TRAK1: variants seen among roughly 807,000 people sequenced by gnomAD.
TRAK1 encodes trafficking kinesin-binding protein 1.
TRAK1 carries 33 observed loss-of-function variants against 92.1 expected under a neutral mutation model. The ratio of observed to expected loss-of-function variants is 0.36; its 90% CI spans 0.27 to 0.48. TRAK1 has a LOEUF of 0.48. Among genes scored for constraint, TRAK1 ranks in the 20% least tolerant of loss-of-function variants. The probability of loss-of-function intolerance (pLI) is 0.99; values close to 1 mark genes in which losing one functional copy is unlikely to be tolerated. For missense variants in TRAK1, 1,123 were observed against 1,257.9 expected (o/e 0.89, Z 1.62); for synonymous variants, 521 against 517.3 (o/e 1.01, Z -0.10).
chr3:42,154,165 TTTTA>T (rs781482002), intron 2 of TRAK1, among the ~76,000 whole-genome samples: 1 of 152,142 alleles, frequency 6.6e-6, no homozygotes, highest in African/African-American at 2.4e-5. Flanking sequence ...TTTAATTTTG[TTTTA>T]TTTATTTATT....
chr3:42,192,633 T>C (rs1276159274), intron 7 of TRAK1, among the ~76,000 whole-genome samples: 2 of 152,242 alleles, frequency 1.3e-5, no homozygotes, highest in East Asian at 1.9e-4. Flanking sequence ...GAAATTGCAC[T>C]GTGCAGTCAG....
At chr3:42,018,525 T>C (rs557649462) in intron 1 of TRAK1, among the ~76,000 whole-genome samples, 1 of 152,230 alleles carries the variant, frequency 6.6e-6, no homozygotes, top group Admixed American at 6.5e-5. Context: ...CACATTTGAA[T>C]GTTAAATAAG....
intron 2 of TRAK1, among the ~76,000 whole-genome samples, chr3:42,148,052 A>G (rs1204729090): frequency 1.3e-5 from 2 of 151,740 alleles, no homozygotes; most frequent in East Asian, 1.9e-4. Flanking sequence ...ACACACTATT[A>G]TCTGTATATA....
In TRAK1 at chr3:42,160,527, G is replaced by A. The variant is rs150131443; in HGVS notation, c.287-16287G>A. On this transcript the variant is annotated intron_variant, in intron 2 of 15. Transcript: ENST00000327628. ...TCCTTTCCTTGTTAGTATCTAAATA[G>A]GCTTGAATGTTTTGCTGATTTCATA... 2,074 of 1,560,492 alleles carry A rather than the reference G, an allele frequency of 1.3e-3. 33 individuals carry two copies. The African/African-American group carries it at 0.025, about 19-fold the overall frequency.
chr3:42,067,229 A>T (rs2148932792), intron 1 of TRAK1, among the ~76,000 whole-genome samples: 1 of 152,296 alleles, frequency 6.6e-6, no homozygotes, highest in Middle Eastern at 3.4e-3. Context: ...GTACTTTTTC[A>T]CACGAGCCTG....
At position 42,218,841 on chromosome 3, in the gene TRAK1, C is replaced by T. The variant is rs540518767; in HGVS notation, c.1964-653C>T. 1.1e-5 allele frequency: 11 copies of T among 985,406 alleles called. No homozygotes were observed. In the African/African-American group the frequency reaches 1.2e-4, roughly 11 times the overall value. 61.0% of individuals were successfully genotyped at this position (985,406 alleles called of 1,614,324 possible). ...CTGTCCTGCTCACACTGCTGTGTGT[C>T]AGACCAGACCTGATCCTGGAGCTCA... On this transcript the variant is annotated intron_variant, in intron 14 of 15. Transcript: ENST00000327628.
intron 3 of TRAK1, among the ~76,000 whole-genome samples, chr3:42,177,786 T>C (rs990249131): frequency 2.6e-5 from 4 of 152,210 alleles, no homozygotes; most frequent in Non-Finnish European, 5.9e-5. Flanking sequence ...TCTCTTCCCA[T>C]GTCTCTACCG....
At chr3:42,218,979 C>T (rs1460349198) in intron 14 of TRAK1, 1 of 985,236 alleles carries the variant, frequency 1.0e-6, no homozygotes, top group Admixed American at 6.1e-5. Flanking sequence ...AGCCAGCATC[C>T]CCAGGCCCCT....
At chr3:42,212,178 C>A in intron 14 of TRAK1, 1 of 985,414 alleles carries the variant, frequency 1.0e-6, no homozygotes, top group Non-Finnish European at 1.2e-6. Context: ...GAGACACAGG[C>A]AGACAGATAA....
chr3:42,178,325 G>C (rs184403293), intron 3 of TRAK1, among the ~76,000 whole-genome samples: 204 of 152,242 alleles, frequency 1.3e-3, no homozygotes, highest in African/African-American at 4.6e-3. Context: ...TCCTCGCTGT[G>C]TAGTCAAGGC....
At chr3:42,033,841 C>G (rs894261728) in intron 1 of TRAK1, among the ~76,000 whole-genome samples, 1 of 152,190 alleles carries the variant, frequency 6.6e-6, no homozygotes, top group African/African-American at 2.4e-5. Flanking sequence ...CTCCCAGACT[C>G]TCTGCCTCAT....
intron 1 of TRAK1, among the ~76,000 whole-genome samples, chr3:42,049,187 A>G (rs1447380725): frequency 6.6e-6 from 1 of 152,176 alleles, no homozygotes; most frequent in Admixed American, 6.5e-5. Flanking sequence ...TGTTATTTTT[A>G]TTCTGCTCCC....
intron 1 of TRAK1, among the ~76,000 whole-genome samples, chr3:42,115,261 G>A (rs1275094119): frequency 1.3e-5 from 2 of 152,090 alleles, no homozygotes; most frequent in African/African-American, 2.4e-5. Context: ...TGTAATTATC[G>A]CCTGTTTTTT....
intron 2 of TRAK1, among the ~76,000 whole-genome samples, chr3:42,136,044 CG>C (rs745420922): frequency 6.6e-5 from 10 of 152,146 alleles, no homozygotes; most frequent in Non-Finnish European, 1.2e-4. Flanking sequence ...CTAAATCCAT[CG>C]ATGCTAAGTT....
intron 1 of TRAK1, among the ~76,000 whole-genome samples, chr3:42,039,433 A>G (rs6599200): frequency 0.22 from 32,822 of 152,092 alleles, 5,603 homozygotes; most frequent in African/African-American, 0.47. Context: ...GCGTGATCTC[A>G]GCTTACTGCA....
chr3:42,083,359 G>C (rs969187636), upstream of TRAK1, among the ~76,000 whole-genome samples: 1 of 151,976 alleles, frequency 6.6e-6, no homozygotes, highest in Non-Finnish European at 1.5e-5. Context: ...AAGTGTTCCC[G>C]GTTTAATTTC....
At chr3:42,167,784 G>A (rs1205161469) in intron 2 of TRAK1, among the ~76,000 whole-genome samples, 1 of 152,190 alleles carries the variant, frequency 6.6e-6, no homozygotes, top group East Asian at 1.9e-4. Context: ...GGAGGCTGAG[G>A]CAGGAGAATG....
chr3:42,109,269 A>G (rs1228878887), intron 1 of TRAK1, among the ~76,000 whole-genome samples: 1 of 152,192 alleles, frequency 6.6e-6, no homozygotes, highest in Admixed American at 6.5e-5. Context: ...GTTTGTTATC[A>G]TTATAAGAAA....
At chr3:42,036,421 C>T (rs573347751) in intron 1 of TRAK1, among the ~76,000 whole-genome samples, 1 of 152,318 alleles carries the variant, frequency 6.6e-6, no homozygotes, top group Non-Finnish European at 1.5e-5. Flanking sequence ...GTGTGTGTTC[C>T]TCTTACAGCT....
Sources: allele counts gnomAD v4.1 joint callset (sites outside exome capture counted in the v4.1 genomes callset), GRCh38; gene constraint gnomAD v4.1.1; transcripts MANE v1.5; gene names NCBI Gene and HGNC (gene_info 2026-07-23, HGNC 2026-07-21).